Variants in OCA2 observed in about 807,000 individuals in gnomAD.
The protein encoded by OCA2 is P protein.
In OCA2, 77 loss-of-function variants were observed where a neutral mutation model predicts 100.2. The ratio of observed to expected loss-of-function variants is 0.77; its 90% CI spans 0.64 to 0.93. OCA2 has a LOEUF of 0.93. Ranked by LOEUF, OCA2 falls within the 40% of genes least tolerant of loss-of-function variation. OCA2 has a pLI of 0.00. For missense variants in OCA2, 1,062 were observed against 1,089.1 expected (o/e 0.98, Z 0.35); for synonymous variants, 432 against 439.2 (o/e 0.98, Z 0.21).
the OCA2 span, among the ~76,000 whole-genome samples, chr15:27,737,543 C>T: frequency 6.6e-6 from 1 of 151,910 alleles, no homozygotes; most frequent in African/African-American, 2.4e-5. Context: ...AATATCCATA[C>T]CAAAAAAATG....
chr15:28,016,002 C>G (rs2141238985), intron 8 of OCA2, 102 bp downstream of exon 8: 3 of 870,014 alleles, frequency 3.4e-6, no homozygotes, highest in East Asian at 4.8e-5. Flanking sequence ...ACATGCTGAC[C>G]TGGTGCTGTG....
intron 21 of OCA2, among the ~76,000 whole-genome samples, chr15:27,863,576 C>G (rs1351478103): frequency 1.3e-5 from 2 of 152,116 alleles, no homozygotes; most frequent in Non-Finnish European, 2.9e-5. Context: ...GTGCCCAAGC[C>G]CCATCTGAGG....
intron 23 of OCA2, among the ~76,000 whole-genome samples, chr15:27,829,465 C>T (rs1338101313): frequency 6.6e-6 from 1 of 152,218 alleles, no homozygotes; most frequent in Non-Finnish European, 1.5e-5. Context: ...AAGCAGAATA[C>T]ATGGTCTAGG....
At chr15:27,915,336 C>T (rs1001555138) in intron 19 of OCA2, among the ~76,000 whole-genome samples, 2 of 152,092 alleles carry the variant, frequency 1.3e-5, no homozygotes, top group African/African-American at 4.8e-5. Context: ...AAAGCAATTA[C>T]AACTAAAACA....
At chr15:27,845,582 C>T (rs1432861536) in intron 22 of OCA2, among the ~76,000 whole-genome samples, 2 of 152,186 alleles carry the variant, frequency 1.3e-5, no homozygotes, top group African/African-American at 2.4e-5. Context: ...TGACCGTGCA[C>T]ACATGCATGC....
At chr15:28,003,682 T>C (rs57242412) in intron 9 of OCA2, among the ~76,000 whole-genome samples, 12,714 of 152,220 alleles carry the variant, frequency 0.084, 819 homozygotes, top group African/African-American at 0.16. Context: ...CCGAGGTGTG[T>C]CAATGACACG....
At chr15:28,036,263 T>C (rs138964019) in intron 2 of OCA2, among the ~76,000 whole-genome samples, 118 of 152,312 alleles carry the variant, frequency 7.7e-4, no homozygotes, top group African/African-American at 2.7e-3. Context: ...TAGATAACTC[T>C]TTGTGTGTGC....
In OCA2 at chr15:28,016,143, T is replaced by C. The variant is rs200651760; in HGVS notation, c.851A>G (p.Glu284Gly). 1 of 1,614,180 alleles carries C rather than the reference T, an allele frequency of 6.2e-7. No homozygotes were observed. The highest frequency in any genetic ancestry group is 2.2e-5 in the East Asian group (1 of 44,874). ...AAAGGTCCTGCTCATCACTGAGTGCTCGCTTCTCCTCGGATTTAAATACAC... is the reference window on the plus strand; with the variant it reads ...AAAGGTCCTGCTCATCACTGAGTGCCCGCTTCTCCTCGGATTTAAATACAC... ...WTVYLNPRRS[E>G]HSVMSRTFEV... The change falls in exon 8 of 24, where the codon GAG becomes GGG. Residue 284 changes from glutamate (E) to glycine (G), a missense_variant. By Grantham distance (98) the Glu-to-Gly change is moderately conservative. Transcript: ENST00000354638.
chr15:27,937,781 T>C (rs1199689964), intron 18 of OCA2, among the ~76,000 whole-genome samples: 1 of 152,240 alleles, frequency 6.6e-6, no homozygotes, highest in African/African-American at 2.4e-5. Flanking sequence ...TATTGCTCTA[T>C]AGATGTTCTT....
At chr15:28,034,836 C>A (rs1182467965) in intron 2 of OCA2, among the ~76,000 whole-genome samples, 2 of 151,938 alleles carry the variant, frequency 1.3e-5, no homozygotes, top group East Asian at 3.9e-4. Context: ...GTAATCATAG[C>A]TTTTTTGCAT....
chr15:28,063,927 T>C (rs980966789), intron 2 of OCA2, among the ~76,000 whole-genome samples: 27 of 152,246 alleles, frequency 1.8e-4, no homozygotes, highest in African/African-American at 6.5e-4. Context: ...TACTGTCTAG[T>C]GTGCTTTCAT....
chr15:27,736,048 A>G, the OCA2 span, among the ~76,000 whole-genome samples: 1 of 152,238 alleles, frequency 6.6e-6, no homozygotes, highest in Non-Finnish European at 1.5e-5. Context: ...GGTTTAGTCA[A>G]TCCACAATGT....
intron 19 of OCA2, among the ~76,000 whole-genome samples, chr15:27,903,785 A>C (rs1201623112): frequency 6.6e-6 from 1 of 152,204 alleles, no homozygotes; most frequent in African/African-American, 2.4e-5. Context: ...TCAGGAATTA[A>C]TTTTTAATAT....
At chr15:27,849,773 C>A (rs781168686) in intron 22 of OCA2, among the ~76,000 whole-genome samples, 9 of 149,528 alleles carry the variant, frequency 6.0e-5, no homozygotes, top group Non-Finnish European at 1.2e-4. Flanking sequence ...GTCCCTAATG[C>A]CACTGAACTG....
intron 23 of OCA2, among the ~76,000 whole-genome samples, chr15:27,810,295 G>A (rs1314039462): frequency 2.0e-5 from 3 of 152,180 alleles, no homozygotes; most frequent in Admixed American, 6.5e-5. Flanking sequence ...GGGAAAATTG[G>A]CTAGCCAAAT....
rs770701955 is a variant in OCA2, at chr15:28,014,926, C to A, written c.894G>T (p.Glu298Asp). Reference sequence around the variant, plus strand: ...AGGCCCGGATGCTGATGGACACCGTCTCTCTGCAGAACGAAACAACGACCT... The same window carrying A: ...AGGCCCGGATGCTGATGGACACCGTATCTCTGCAGAACGAAACAACGACCT... ...MSRTFEVLTR[E>D]TVSISIRASL... Residue 298 changes from glutamate to aspartate, a missense_variant, in exon 9 of 24, where the codon GAG becomes GAT. Coordinates refer to ENST00000354638, the MANE Select transcript of OCA2 (RefSeq NM_000275.3). 6.2e-7 allele frequency: 1 copy of A among 1,614,158 alleles called. No individual in the cohort carries two copies.
At chr15:27,980,406 C>T (rs1399339462) in intron 14 of OCA2, among the ~76,000 whole-genome samples, 1 of 152,062 alleles carries the variant, frequency 6.6e-6, no homozygotes, top group Non-Finnish European at 1.5e-5. Context: ...GGATTACAGG[C>T]GTGAGCCACC....
chr15:28,012,462 C>T (rs1417307150), intron 9 of OCA2, among the ~76,000 whole-genome samples: 1 of 152,182 alleles, frequency 6.6e-6, no homozygotes, highest in African/African-American at 2.4e-5. Context: ...AAGGCCCTTC[C>T]TGAGACCCTG....
At chr15:27,890,792 C>A (rs532580123) in intron 19 of OCA2, among the ~76,000 whole-genome samples, 1 of 152,228 alleles carries the variant, frequency 6.6e-6, no homozygotes, top group East Asian at 1.9e-4. Flanking sequence ...CTTTGGGAGG[C>A]CGAGGCAGGT....
Sources: allele counts gnomAD v4.1 joint callset (sites outside exome capture counted in the v4.1 genomes callset), GRCh38; gene constraint gnomAD v4.1.1; transcripts MANE v1.5; gene names NCBI Gene and HGNC (gene_info 2026-07-23, HGNC 2026-07-21).